ELOVL7: variants seen among roughly 807,000 people sequenced by gnomAD.
ELOVL7 encodes very long chain fatty acid elongase 7.
ELOVL7 carries 27 observed loss-of-function variants against 35.7 expected under a neutral mutation model. The ratio of observed to expected loss-of-function variants is 0.76; its 90% confidence interval spans 0.56 to 1.04. The LOEUF (loss-of-function observed/expected upper bound fraction) is 1.04. Among genes scored for constraint, ELOVL7 ranks in the 50% least tolerant of loss-of-function variants. The probability of loss-of-function intolerance (pLI) is 0.00; values close to 1 mark genes in which losing one functional copy is unlikely to be tolerated. For missense variants in ELOVL7, 327 were observed against 340.8 expected, an observed-to-expected ratio of 0.96 and a Z score of 0.32; for synonymous variants, 113 against 114.6, an observed-to-expected ratio of 0.99 and a Z score of 0.09.
chr5:60,793,975 C>T (rs760891649), intron 2 of ELOVL7, among the ~76,000 whole-genome samples: 8 of 152,126 alleles, frequency 5.3e-5, no homozygotes, highest in Non-Finnish European at 1.2e-4. Context: ...CACCACCCCT[C>T]CATTAAGGGT....
intron 3 of ELOVL7, among the ~76,000 whole-genome samples, chr5:60,782,625 C>T (rs150405336): frequency 9.2e-5 from 14 of 152,156 alleles, no homozygotes; most frequent in Admixed American, 9.2e-4. Flanking sequence ...ATTCAGCCTT[C>T]AAAAAGAAAA....
intron 1 of ELOVL7, among the ~76,000 whole-genome samples, chr5:60,800,566 C>T (rs1171502466): frequency 2.0e-5 from 3 of 152,156 alleles, no homozygotes; most frequent in Non-Finnish European, 4.4e-5. Flanking sequence ...GACAAGGATG[C>T]CCACTCTCAC....
chr5:60,773,788 A>G (rs1400161132), intron 3 of ELOVL7, among the ~76,000 whole-genome samples: 1 of 152,262 alleles, frequency 6.6e-6, no homozygotes, highest in African/African-American at 2.4e-5. Flanking sequence ...GAAACAAGCT[A>G]TTTAAAGACT....
chr5:60,776,734 G>A (rs1212489063), intron 3 of ELOVL7, among the ~76,000 whole-genome samples: 2 of 152,112 alleles, frequency 1.3e-5, no homozygotes, highest in Non-Finnish European at 2.9e-5. Context: ...GGGAAGGAAG[G>A]GGACAAGGGC....
chr5:60,839,453 A>G (rs902783659), intron 1 of ELOVL7, among the ~76,000 whole-genome samples: 12 of 152,232 alleles, frequency 7.9e-5, no homozygotes, highest in Non-Finnish European at 1.8e-4. Context: ...ATCAATTAGG[A>G]ATAATGGAAA....
chr5:60,837,303 A>AGGGCGGGG (rs1305762552), intron 1 of ELOVL7, among the ~76,000 whole-genome samples: 1 of 3,252 alleles, frequency 3.1e-4, no homozygotes, highest in African/African-American at 1.2e-3. Flanking sequence ...CAGGCGTGGT[A>AGGGCGGGG]GGGCGGGGGG....
At chr5:60,837,694 C>A (rs1746910066) in intron 1 of ELOVL7, among the ~76,000 whole-genome samples, 1 of 152,148 alleles carries the variant, frequency 6.6e-6, no homozygotes, top group Non-Finnish European at 1.5e-5. Context: ...GTAATCCCAG[C>A]ACTTTAGGAG....
chr5:60,768,613 GTGTA>G (rs1250380297), intron 4 of ELOVL7: 2 of 444,254 alleles, frequency 4.5e-6, no homozygotes, highest in Admixed American at 2.4e-5. Flanking sequence ...TAAATCTGAA[GTGTA>G]ATTCAAAGAT....
chr5:60,824,084 T>C (rs1465526634), intron 1 of ELOVL7, among the ~76,000 whole-genome samples: 2 of 152,006 alleles, frequency 1.3e-5, no homozygotes, highest in African/African-American at 4.8e-5. Context: ...AAATAAAAAA[T>C]TCAGACACTA....
At chr5:60,801,018 C>A (rs1262349324) in intron 1 of ELOVL7, among the ~76,000 whole-genome samples, 1 of 152,168 alleles carries the variant, frequency 6.6e-6, no homozygotes, top group Non-Finnish European at 1.5e-5. Context: ...GCCTTGATCT[C>A]CTGGGCTAAG....
intron 1 of ELOVL7, among the ~76,000 whole-genome samples, chr5:60,826,384 C>A (rs1175221155): frequency 6.6e-6 from 1 of 151,790 alleles, no homozygotes; most frequent in Non-Finnish European, 1.5e-5. Flanking sequence ...TTTTTTTTTA[C>A]TGTAAAACAT....
At chr5:60,801,192 T>C (rs1744590096) in intron 1 of ELOVL7, among the ~76,000 whole-genome samples, 1 of 152,104 alleles carries the variant, frequency 6.6e-6, no homozygotes, top group African/African-American at 2.4e-5. Context: ...CCTCCCGAAG[T>C]GCTCAGATTA....
chr5:60,774,625 G>C (rs1458558890), intron 3 of ELOVL7, among the ~76,000 whole-genome samples: 1 of 152,072 alleles, frequency 6.6e-6, no homozygotes, highest in Non-Finnish European at 1.5e-5. Context: ...CATAGTACTA[G>C]AAGTCCTAGC....
At chr5:60,788,860 C>T (rs1200426514) in intron 2 of ELOVL7, among the ~76,000 whole-genome samples, 1 of 151,832 alleles carries the variant, frequency 6.6e-6, no homozygotes, top group Non-Finnish European at 1.5e-5. Flanking sequence ...AAAGTAAAGC[C>T]ATTTTACTTA....
rs1260718376 is a variant in ELOVL7, at chr5:60,772,091, G to A, written c.67C>T (p.Pro23Ser). 6 of 1,600,120 alleles carry A rather than the reference G, an allele frequency of 3.7e-6. No individual in the cohort carries two copies. The highest frequency in any genetic ancestry group is 5.1e-6 in the Non-Finnish European group (6 of 1,173,388). ...LYDNWIKDAD[P>S]RVEDWLLMSS... ...ATGAGGAGCCAATCTTCAACTCTTG[G>A]ATCTAAGAGAAAAACAATATGTGAG... The change falls in exon 4 of 9, where the codon CCA becomes TCA. Residue 23 changes from proline (P) to serine (S), a missense_variant and splice_region_variant. Physicochemically the swap from Pro to Ser is moderately conservative, Grantham distance 74. Transcript: ENST00000508821.
chr5:60,767,870 A>T lies in ELOVL7; in HGVS notation c.289T>A (p.Phe97Ile), dbSNP rs773295195. The change falls in exon 5 of 9, where the codon TTT (phenylalanine) becomes ATT (isoleucine). Residue 97 changes from phenylalanine (F) to isoleucine (I), a missense_variant. By Grantham distance (21) the Phe-to-Ile change is conservative (BLOSUM62 0). Transcript: ENST00000508821. ...VMSGWGIGYSFRCDIVDYSRS... is the reference protein window; with the variant it reads ...VMSGWGIGYSIRCDIVDYSRS... Reference sequence around the variant, plus strand: ...GAATAGTCAACAATGTCACATCGAAATGAATAACCTATACCCCAGCCAGAC... The same window carrying T: ...GAATAGTCAACAATGTCACATCGAATTGAATAACCTATACCCCAGCCAGAC... The T allele has an allele frequency of 6.2e-7, 1 of 1,614,022 alleles. No homozygotes were observed. Among genetic ancestry groups the T allele is most frequent in the Admixed American group, 1.7e-5 (1 of 60,026 alleles).
At position 60,785,701 on chromosome 5, in the gene ELOVL7, A is replaced by G. The variant is rs578065839; in HGVS notation, c.64+1633T>C. 5 of 152,234 alleles carry G rather than the reference A, an allele frequency of 3.3e-5. No individual in the cohort carries two copies. In the East Asian group the frequency reaches 9.6e-4, roughly 29 times the overall value. The allele number at this position is 152,234 out of a possible 1,614,324, so 9.4% of individuals were successfully genotyped here. ...ACCTTCAGAGAAGGATGACCCCTAA[A>G]GAAACTTGAATATTCTGTGTATCAT... On this transcript the variant is annotated intron_variant, in intron 3 of 8. Transcript: ENST00000508821.
chr5:60,815,679 T>A (rs1270903543), intron 1 of ELOVL7, among the ~76,000 whole-genome samples: 2 of 152,170 alleles, frequency 1.3e-5, no homozygotes, highest in African/African-American at 4.8e-5. Context: ...GCAATTCTCC[T>A]GCCTCAGCTT....
At chr5:60,763,216 C>G (rs1040463925) in intron 7 of ELOVL7, among the ~76,000 whole-genome samples, 2 of 152,206 alleles carry the variant, frequency 1.3e-5, no homozygotes, top group Non-Finnish European at 2.9e-5. Context: ...TGCCCATAAG[C>G]CATGGTAGCG....
Sources: allele counts gnomAD v4.1 joint callset (sites outside exome capture counted in the v4.1 genomes callset), GRCh38; gene constraint gnomAD v4.1.1; transcripts MANE v1.5; gene names NCBI Gene and HGNC (gene_info 2026-07-23, HGNC 2026-07-21).